The following DMRTB1 variants were observed in gnomAD, a reference collection of about 807,000 sequenced individuals.
DMRTB1 encodes doublesex- and mab-3-related transcription factor B1.
A neutral mutation model predicts 25.2 loss-of-function variants in DMRTB1; 9 were observed. The ratio of observed to expected loss-of-function variants is 0.36; its 90% CI spans 0.22 to 0.62. The LOEUF (loss-of-function observed/expected upper bound fraction) is 0.62, where lower values mean the gene tolerates loss of function less well. DMRTB1 is among the 20% of genes least tolerant of loss of function. DMRTB1 has a pLI of 0.71. For missense variants in DMRTB1, 551 were observed against 499.3 expected (o/e 1.10, Z -0.99); for synonymous variants, 269 against 238.1 (o/e 1.13, Z -1.20).
intron 1 of DMRTB1, chr1:53,460,311 C>T (rs990518167): frequency 3.2e-5 from 11 of 347,080 alleles, no homozygotes; most frequent in African/African-American, 1.3e-4. Flanking sequence ...GTCCAGTCGA[C>T]TTAGCAGTGC....
Position 53,460,065 on chromosome 1 carries a change from G to A in DMRTB1, c.577+35G>A, listed in dbSNP as rs113925542. 261 of 1,520,680 alleles carry A rather than the reference G, an allele frequency of 1.7e-4. 3 individuals carry two copies. In the African/African-American group the frequency reaches 2.8e-3, roughly 16 times the overall value. 94.2% of individuals were successfully genotyped at this position (1,520,680 alleles called of 1,614,324 possible). On this transcript the variant is annotated intron_variant, in intron 1 of 3. Coordinates refer to ENST00000371445, the MANE Select transcript of DMRTB1 (RefSeq NM_033067.3). The stretch of plus-strand genomic sequence containing the variant: ...GGCCTTGGTCCCGCGGTCGACTCCC[G>A]GAGCTGGCAGCCCAGGCCAGCCCGG...
At chr1:53,465,922 G>A (rs1040274647) in intron 3 of DMRTB1, among the ~76,000 whole-genome samples, 4 of 152,242 alleles carry the variant, frequency 2.6e-5, no homozygotes, top group African/African-American at 9.6e-5. Flanking sequence ...AGTGATGAAG[G>A]CATTGGTGAA....
At chr1:53,465,308 C>T (rs1176613761) in intron 3 of DMRTB1, among the ~76,000 whole-genome samples, 1 of 152,016 alleles carries the variant, frequency 6.6e-6, no homozygotes, top group Non-Finnish European at 1.5e-5. Context: ...GTGCCTCTGC[C>T]CCAGGCCACT....
At chr1:53,462,127 C>G (rs1192701196) in intron 2 of DMRTB1, among the ~76,000 whole-genome samples, 2 of 152,128 alleles carry the variant, frequency 1.3e-5, no homozygotes, top group African/African-American at 4.8e-5. Flanking sequence ...AAACCTTCCC[C>G]CAAACACTTG....
At chr1:53,466,154 A>T (rs988062924) in intron 3 of DMRTB1, among the ~76,000 whole-genome samples, 2 of 152,090 alleles carry the variant, frequency 1.3e-5, no homozygotes, top group African/African-American at 4.8e-5. Flanking sequence ...AAGAAAATAC[A>T]TTCTCCCCTA....
chr1:53,463,420 A>G (rs913495721), intron 2 of DMRTB1, among the ~76,000 whole-genome samples: 2 of 152,180 alleles, frequency 1.3e-5, no homozygotes, highest in Admixed American at 6.5e-5. Context: ...GACCCGTGGC[A>G]GTTATCTGAC....
chr1:53,459,722 T>C lies in DMRTB1; in HGVS notation c.269T>C (p.Val90Ala), dbSNP rs1160645251. The change falls in exon 1 of 4, where the codon GTC becomes GCC. Residue 90 changes from valine (V) to alanine (A), a missense_variant. Physicochemically the swap from Val to Ala is moderately conservative, Grantham distance 64. Transcript: ENST00000371445. ...AAAAAPAPVP[V>A]PAASLRPLSP... Reference sequence around the variant, plus strand: ...GCCGCCGCCCCCGCCCCCGTCCCCGTCCCGGCCGCGAGCCTCCGCCCGCTG... The same window carrying C: ...GCCGCCGCCCCCGCCCCCGTCCCCGCCCCGGCCGCGAGCCTCCGCCCGCTG... 8.0e-6 allele frequency: 11 copies of C among 1,381,330 alleles called. No homozygotes were observed. Among genetic ancestry groups the C allele is most frequent in the Admixed American group, 3.8e-5 (1 of 26,116 alleles). 85.6% of individuals were successfully genotyped at this position (1,381,330 alleles called of 1,614,324 possible).
rs545204581 is a variant in DMRTB1 at position 53,461,510 on chromosome 1, C to T, written c.615C>T (p.Gly205=). The stretch of plus-strand genomic sequence containing the variant: ...ACATCAACCCGGACCGTGCACTGGG[C>T]CCTGAGTACCCTGGTGGCTCCAGCA... The part of the protein sequence containing the change: ...PLNINPDRAL[G]PEYPGGSSMH... Residue 205 remains glycine, a synonymous_variant, in exon 2 of 4, where the codon GGC becomes GGT. Coordinates refer to ENST00000371445, the MANE Select transcript of DMRTB1 (RefSeq NM_033067.3). 16 of 1,610,374 alleles carry T rather than the reference C, an allele frequency of 9.9e-6. No individual in the cohort carries two copies. Among genetic ancestry groups the T allele is most frequent in the South Asian group, 7.7e-5 (7 of 90,340 alleles).
At position 53,461,475 on chromosome 1, in the gene DMRTB1, C is replaced by T. The variant is rs905605878; in HGVS notation, c.580C>T (p.Arg194Cys). The T allele has an allele frequency of 7.6e-6, 12 of 1,581,948 alleles. No homozygotes were observed. Among genetic ancestry groups the T allele is most frequent in the African/African-American group, 1.4e-5 (1 of 73,734 alleles). Residue 194 changes from arginine (R) to cysteine (C), a missense_variant and splice_region_variant, in exon 2 of 4, where the codon CGC (arginine) becomes TGC (cysteine). Physicochemically the swap from Arg to Cys is radical, Grantham distance 180 (BLOSUM62 -3). Transcript: ENST00000371445. ...CCCTCCTTGCTTGCGTTCTTTAGTGCGCCCTCTGAACATCAACCCGGACCG... is the reference window on the plus strand; with the variant it reads ...CCCTCCTTGCTTGCGTTCTTTAGTGTGCCCTCTGAACATCAACCCGGACCG... ...VPGPLFTDFVRPLNINPDRAL... is the reference protein window; with the variant it reads ...VPGPLFTDFVCPLNINPDRAL...
At chr1:53,464,532 C>T (rs1644039542) in intron 2 of DMRTB1, 105 bp from the exon 3 acceptor site, 1 of 1,561,102 alleles carries the variant, frequency 6.4e-7, no homozygotes, top group Non-Finnish European at 8.8e-7. Context: ...GGCCGTGCAT[C>T]TACCCCATCA....
In DMRTB1 at chr1:53,466,893, T is replaced by C. The variant is rs1038230781; in HGVS notation, c.*231T>C. 1 of 545,188 alleles carries C rather than the reference T, an allele frequency of 1.8e-6. No individual in the cohort carries two copies. Among genetic ancestry groups the C allele is most frequent in the Admixed American group, 3.5e-5 (1 of 28,538 alleles). 33.8% of individuals were successfully genotyped at this position (545,188 alleles called of 1,614,324 possible). ...TATTACCAGGGGAGGGCCAGGGCTC[T>C]GAGGAGTGGGCGCTGGGAGAAGCTC... On this transcript the variant is annotated 3_prime_UTR_variant, in exon 4 of 4. Transcript: ENST00000371445.
At chr1:53,460,799 C>T (rs1005268324) in intron 1 of DMRTB1, among the ~76,000 whole-genome samples, 2 of 152,176 alleles carry the variant, frequency 1.3e-5, no homozygotes, top group Admixed American at 6.5e-5. Context: ...GGGCTCAGGC[C>T]GAGGCGGGGG....
intron 1 of DMRTB1, 51 bp from the exon 2 acceptor site, chr1:53,461,422 A>G (rs769301731): frequency 1.3e-6 from 2 of 1,506,396 alleles, no homozygotes; most frequent in Non-Finnish European, 1.8e-6. Context: ...CGCCCTGCGG[A>G]TGCTTTTCCC....
At chr1:53,461,224 T>G (rs1644020413) in intron 1 of DMRTB1, among the ~76,000 whole-genome samples, 2 of 152,044 alleles carry the variant, frequency 1.3e-5, no homozygotes, top group South Asian at 4.1e-4. Flanking sequence ...GGGCTGACGG[T>G]GTGTGGGGCA....
chr1:53,461,672 A>G (rs1208346060), intron 2 of DMRTB1, 27 bp downstream of exon 2: 1 of 1,523,400 alleles, frequency 6.6e-7, no homozygotes, highest in Non-Finnish European at 8.8e-7. Context: ...ACTTCTTGCC[A>G]GCTTCCTCCA....
intron 3 of DMRTB1, among the ~76,000 whole-genome samples, chr1:53,465,174 G>A (rs1288634): frequency 0.39 from 58,930 of 152,046 alleles, 13,970 homozygotes; most frequent in African/African-American, 0.67. Flanking sequence ...GCTCGTGGGC[G>A]GTGCTGTGGA....
At chr1:53,463,589 G>A (rs1348851382) in intron 2 of DMRTB1, among the ~76,000 whole-genome samples, 1 of 152,200 alleles carries the variant, frequency 6.6e-6, no homozygotes, top group African/African-American at 2.4e-5. Flanking sequence ...CCTTCCTGCT[G>A]GTTGAACGAA....
chr1:53,460,086 C>A, intron 1 of DMRTB1, 56 bp downstream of exon 1: 1 of 1,487,548 alleles, frequency 6.7e-7, no homozygotes, highest in Non-Finnish European at 8.9e-7. Flanking sequence ...CCCAGGCCAG[C>A]CCGGATGGGG....
intron 2 of DMRTB1, among the ~76,000 whole-genome samples, chr1:53,462,275 T>C (rs1008342326): frequency 2.6e-5 from 4 of 152,234 alleles, no homozygotes; most frequent in African/African-American, 9.6e-5. Context: ...CCCTGTGGTG[T>C]GTACTACGAG....
Sources: allele counts gnomAD v4.1 joint callset (sites outside exome capture counted in the v4.1 genomes callset), GRCh38; gene constraint gnomAD v4.1.1; transcripts MANE v1.5; gene names NCBI Gene and HGNC (gene_info 2026-07-23, HGNC 2026-07-21).